NYAP1: variants seen among roughly 807,000 people sequenced by gnomAD.
NYAP1 encodes neuronal tyrosine-phosphorylated phosphoinositide-3-kinase adapter 1.
NYAP1 carries 20 observed loss-of-function variants against 58.6 expected under a neutral mutation model. That is an observed-to-expected ratio of 0.34 (90% confidence interval 0.24 to 0.50). NYAP1 has a LOEUF of 0.50. Ranked by LOEUF, NYAP1 falls within the 20% of genes least tolerant of loss-of-function variation. The pLI is 0.98. For synonymous variants in NYAP1, 572 were observed against 523.1 expected (o/e 1.09, Z -1.27); for missense variants, 1,150 against 1,194.5 (o/e 0.96, Z 0.55).
In NYAP1 at chr7:100,486,869, C is replaced by T; in HGVS notation, c.117C>T (p.Gly39=). The T allele has an allele frequency of 2.6e-6, 4 of 1,545,118 alleles. No individual in the cohort carries two copies. Among genetic ancestry groups the T allele is most frequent in the Non-Finnish European group, 3.5e-6 (4 of 1,150,358 alleles). ...APAGSAGPAA[G]QGPGVRVRDI... ...CTGGCTCGGCTGGGCCCGCGGCCGGCCAGGGGCCTGGGGTCCGCGTGCGGG... is the reference window on the plus strand; with the variant it reads ...CTGGCTCGGCTGGGCCCGCGGCCGGTCAGGGGCCTGGGGTCCGCGTGCGGG... Residue 39 remains glycine, a synonymous_variant, in exon 3 of 7, where the codon GGC becomes GGT. Transcript: ENST00000300179. The surrounding 1 kb of genome is among the most constrained non-coding windows in gnomAD (Gnocchi z 6.2).
rs1412064724 is a variant in NYAP1 at position 100,493,921 on chromosome 7, C to A, written c.*18C>A. 1.4e-6 allele frequency: 2 copies of A among 1,425,282 alleles called. No homozygotes were observed. The highest frequency in any genetic ancestry group is 1.5e-5 in the South Asian group (1 of 67,028). The allele number at this position is 1,425,282 out of a possible 1,614,324, so 88.3% of individuals were successfully genotyped here. A position where few individuals can be genotyped will look rare whatever the true frequency, so the allele number is the denominator to read the frequency against. Reference sequence around the variant, plus strand: ...CCATCTGAGGCGGGCGGGGGGGTACCGGGGCGCCTGGACTGGGGAGGGGGC... The same window carrying A: ...CCATCTGAGGCGGGCGGGGGGGTACAGGGGCGCCTGGACTGGGGAGGGGGC... On this transcript the variant is annotated 3_prime_UTR_variant, in exon 7 of 7. Transcript: ENST00000300179.
Position 100,494,132 on chromosome 7 carries a change from T to C in NYAP1, c.*229T>C. 2.1e-6 allele frequency: 1 copy of C among 483,514 alleles called. No homozygotes were observed. Among genetic ancestry groups the C allele is most frequent in the Non-Finnish European group, 3.6e-6 (1 of 278,656 alleles). 30.0% of individuals were successfully genotyped at this position (483,514 alleles called of 1,614,324 possible). On this transcript the variant is annotated 3_prime_UTR_variant, in exon 7 of 7. Transcript: ENST00000300179. ...GAGGAGGAGGAGGGTTTGCTTGAGG[T>C]TGGGGCGAGAGTCGCTCTGGCTGTT...
chr7:100,489,743 G>A (rs1289041552), intron 4 of NYAP1, 77 bp downstream of exon 4: 3 of 1,140,672 alleles, frequency 2.6e-6, no homozygotes, highest in East Asian at 3.1e-5. Context: ...GTTTGGGGGA[G>A]GTGTTGGAGG....
chr7:100,494,174 G>A lies in NYAP1; in HGVS notation c.*271G>A, dbSNP rs986450160. The A allele has an allele frequency of 9.6e-6, 4 of 415,602 alleles. No individual in the cohort carries two copies. The highest frequency in any genetic ancestry group is 4.2e-5 in the African/African-American group (2 of 47,806). 25.7% of individuals were successfully genotyped at this position (415,602 alleles called of 1,614,324 possible). On this transcript the variant is annotated 3_prime_UTR_variant, in exon 7 of 7. Coordinates refer to ENST00000300179, the MANE Select transcript of NYAP1 (RefSeq NM_173564.4). The stretch of plus-strand genomic sequence containing the variant: ...CTGGCTGTTCTTCCCGCTGGGCGTT[G>A]TACACCCCTCCTCCTGAACCAAGCC...
intron 6 of NYAP1, among the ~76,000 whole-genome samples, 186 bp downstream of exon 6, chr7:100,491,281 AC>A (rs772279413): frequency 1.3e-5 from 2 of 152,028 alleles, no homozygotes; most frequent in Non-Finnish European, 2.9e-5. Flanking sequence ...ACATAGTGAG[AC>A]CCTGTCTCTA....
At chr7:100,493,523 T>TG (rs1425209414) in intron 6 of NYAP1, 123 bp from the exon 7 acceptor site, 12 of 905,816 alleles carry the variant, frequency 1.3e-5, no homozygotes, top group Non-Finnish European at 1.8e-5. Flanking sequence ...CAGAGGCCGT[T>TG]GGGGGGCAAG....
chr7:100,488,717 G>T lies in NYAP1; in HGVS notation c.996G>T (p.Gln332His), dbSNP rs1799742241. The T allele has an allele frequency of 1.2e-6, 2 of 1,609,078 alleles. No homozygotes were observed. Among genetic ancestry groups the T allele is most frequent in the Non-Finnish European group, 8.5e-7 (1 of 1,178,548 alleles). ...EIPPPFPNLL[Q>H]HRPPLLAFPQ... ...CCCCGCCCTTCCCCAACCTCCTTCAGCACCGGCCTCCACTCCTGGCCTTCC... is the reference window on the plus strand; with the variant it reads ...CCCCGCCCTTCCCCAACCTCCTTCATCACCGGCCTCCACTCCTGGCCTTCC... Residue 332 changes from glutamine to histidine, a missense_variant, in exon 4 of 7, where the codon CAG becomes CAT. By Grantham distance (24) the Gln-to-His change is conservative (BLOSUM62 0). Coordinates refer to ENST00000300179, the MANE Select transcript of NYAP1 (RefSeq NM_173564.4). This position sits in a 1 kb window ranked among gnomAD's most constrained non-coding sequence, Gnocchi z 5.9.
Position 100,488,744 on chromosome 7 carries a change from C to T in NYAP1, c.1023C>T (p.Pro341=), listed in dbSNP as rs1429650930. 1.2e-6 allele frequency: 2 copies of T among 1,606,060 alleles called. No individual in the cohort carries two copies. The highest frequency in any genetic ancestry group is 8.5e-7 in the Non-Finnish European group (1 of 1,176,466). The change falls in exon 4 of 7, where the codon CCC becomes CCT. Residue 341 remains proline (P), a synonymous_variant. Coordinates refer to ENST00000300179, the MANE Select transcript of NYAP1 (RefSeq NM_173564.4). This position sits in a 1 kb window ranked among gnomAD's most constrained non-coding sequence, Gnocchi z 5.9. The part of the protein sequence containing the change: ...LQHRPPLLAF[P]QAKSASRTPG... ...ACCGGCCTCCACTCCTGGCCTTCCC[C>T]CAAGCCAAGTCTGCTTCCCGAACCC... is the stretch of plus-strand genomic sequence containing the variant.
In NYAP1 at chr7:100,490,493, C is replaced by A; in HGVS notation, c.1946-24C>A. The A allele has an allele frequency of 6.4e-7, 1 of 1,560,018 alleles. No homozygotes were observed. Among genetic ancestry groups the A allele is most frequent in the Non-Finnish European group, 8.7e-7 (1 of 1,150,416 alleles). ...ATGACGCCTCCAACATGCAGGCACA[C>A]AGCTCTCCTTGTCATCCCAGCAGAG... On this transcript the variant is annotated intron_variant, in intron 4 of 6. Coordinates refer to ENST00000300179, the MANE Select transcript of NYAP1 (RefSeq NM_173564.4). The surrounding 1 kb of genome is among the most constrained non-coding windows in gnomAD (Gnocchi z 4.6).
At position 100,493,655 on chromosome 7, in the gene NYAP1, G is replaced by C. The variant is rs1278755698; in HGVS notation, c.2278G>C (p.Ala760Pro). The C allele has an allele frequency of 1.3e-6, 2 of 1,579,560 alleles. No homozygotes were observed. Among genetic ancestry groups the C allele is most frequent in the Non-Finnish European group, 1.7e-6 (2 of 1,169,034 alleles). ...PRDALSQPHP[A>P]LPLPLPLPPQ... The stretch of plus-strand genomic sequence containing the variant: ...CCCGCCCGCGGCACAGCCCCACCCC[G>C]CGCTGCCGCTGCCTCTGCCCCTGCC... Residue 760 changes from alanine to proline, a missense_variant, in exon 7 of 7, where the codon GCG becomes CCG. Ala to Pro is a conservative substitution (Grantham distance 27, BLOSUM62 -1). Transcript: ENST00000300179.
Position 100,488,436 on chromosome 7 carries a change from C to A in NYAP1, c.715C>A (p.Leu239Ile). The A allele has an allele frequency of 6.2e-7, 1 of 1,604,206 alleles. No individual in the cohort carries two copies. The highest frequency in any genetic ancestry group is 8.5e-7 in the Non-Finnish European group (1 of 1,175,936). ...RSGGGLAGPP[L>I]GGGGPTPPAG... is the part of the protein sequence containing the mutation. Reference sequence around the variant, plus strand: ...TGGAGGAGGCCTGGCTGGGCCCCCTCTTGGGGGTGGGGGCCCGACCCCTCC... The same window carrying A: ...TGGAGGAGGCCTGGCTGGGCCCCCTATTGGGGGTGGGGGCCCGACCCCTCC... Residue 239 changes from leucine (L) to isoleucine (I), a missense_variant, in exon 4 of 7, where the codon CTT (leucine) becomes ATT (isoleucine). Coordinates refer to ENST00000300179, the MANE Select transcript of NYAP1 (RefSeq NM_173564.4). This position sits in a 1 kb window ranked among gnomAD's most constrained non-coding sequence, Gnocchi z 5.9.
Position 100,489,073 on chromosome 7 carries a change from G to T in NYAP1, c.1352G>T (p.Gly451Val). The T allele has an allele frequency of 6.5e-7, 1 of 1,547,374 alleles. No individual in the cohort carries two copies. Residue 451 changes from glycine (G) to valine (V), a missense_variant, in exon 4 of 7, where the codon GGC becomes GTC. Physicochemically the swap from Gly to Val is moderately radical, Grantham distance 109. Transcript: ENST00000300179. ...CCTGCCCCGGCCGCCTTGCTCCCCG[G>T]CCCCCCCAAGGACAAGGCCGTGTCT... ...APPAPAALLP[G>V]PPKDKAVSYT... is the part of the protein sequence containing the mutation.
rs540720761 is a variant in NYAP1 at position 100,490,270 on chromosome 7, A to G, written c.1946-247A>G. 2.0e-4 allele frequency among the ~76,000 whole-genome samples: 30 copies of G among 152,136 alleles called. No homozygotes were observed. The highest frequency in any genetic ancestry group is 4.6e-4 in the Admixed American group (7 of 15,274). ...TGGGGAGGCCCCTCTGACCAGGGAA[A>G]AGGGTTTGGATGCAGCACATAGACA... On this transcript the variant is annotated intron_variant, in intron 4 of 6. Coordinates refer to ENST00000300179, the MANE Select transcript of NYAP1 (RefSeq NM_173564.4). This position sits in a 1 kb window ranked among gnomAD's most constrained non-coding sequence, Gnocchi z 4.6.
chr7:100,490,840 C>T lies in NYAP1; in HGVS notation c.2158+111C>T. 1 of 1,147,144 alleles carries T rather than the reference C, an allele frequency of 8.7e-7. No homozygotes were observed. The highest frequency in any genetic ancestry group is 1.2e-6 in the Non-Finnish European group (1 of 819,214). The allele number at this position is 1,147,144 out of a possible 1,614,324, so 71.1% of individuals were successfully genotyped here. Reference sequence around the variant, plus strand: ...CACCTGTTCACGTCTGTGCCCAGGGCCCTAAATCCTCATACCACATCTCCA... The same window carrying T: ...CACCTGTTCACGTCTGTGCCCAGGGTCCTAAATCCTCATACCACATCTCCA... On this transcript the variant is annotated intron_variant, in intron 5 of 6. Coordinates refer to ENST00000300179, the MANE Select transcript of NYAP1 (RefSeq NM_173564.4). This position sits in a 1 kb window ranked among gnomAD's most constrained non-coding sequence, Gnocchi z 4.6.
chr7:100,491,202 G>A, intron 6 of NYAP1, 107 bp downstream of exon 6: 2 of 733,502 alleles, frequency 2.7e-6, no homozygotes, highest in East Asian at 5.6e-5. Context: ...GCTCATGCCT[G>A]TAATCCCAGC....
chr7:100,489,891 C>G (rs1384729209), intron 4 of NYAP1, among the ~76,000 whole-genome samples: 3 of 151,978 alleles, frequency 2.0e-5, no homozygotes, highest in African/African-American at 7.3e-5. Context: ...CGAAGGGGGT[C>G]AAATCTGGCC....
chr7:100,493,383 AAAG>A (rs1799823101), intron 6 of NYAP1, among the ~76,000 whole-genome samples: 1 of 152,168 alleles, frequency 6.6e-6, no homozygotes, highest in Admixed American at 6.5e-5. Context: ...GAAAGAAAAA[AAAG>A]GGGAGATCCC....
rs1261722358 is a variant in NYAP1, at chr7:100,494,512, A to G, written c.*609A>G. 1 of 152,218 alleles carries G rather than the reference A, an allele frequency of 6.6e-6. No homozygotes were observed. The highest frequency in any genetic ancestry group is 2.4e-5 in the African/African-American group (1 of 41,224). 9.4% of individuals were successfully genotyped at this position (152,218 alleles called of 1,614,324 possible). ...TGCATGGGGAGTGGACCGAGAGAAG[A>G]AGGGGCCCAGGGAAGCAGAGGGCCC... On this transcript the variant is annotated 3_prime_UTR_variant, in exon 7 of 7. Coordinates refer to ENST00000300179, the MANE Select transcript of NYAP1 (RefSeq NM_173564.4).
rs1342560307 is a variant in NYAP1 at position 100,487,525 on chromosome 7, A to G, written c.430+343A>G. Among the ~76,000 whole-genome samples, 1 of 151,866 alleles carries G rather than the reference A, an allele frequency of 6.6e-6. No individual in the cohort carries two copies. The highest frequency in any genetic ancestry group is 1.5e-5 in the Non-Finnish European group (1 of 67,956). ...CTCAGCACTTTTTTTTTTTTGAGAC[A>G]GAGTCTCGCTCTGTTGCCCAGGCAG... On this transcript the variant is annotated intron_variant, in intron 3 of 6. Coordinates refer to ENST00000300179, the MANE Select transcript of NYAP1 (RefSeq NM_173564.4). This position sits in a 1 kb window ranked among gnomAD's most constrained non-coding sequence, Gnocchi z 4.1.
Sources: allele counts gnomAD v4.1 joint callset (sites outside exome capture counted in the v4.1 genomes callset), GRCh38; gene constraint gnomAD v4.1.1; non-coding constraint Gnocchi (gnomAD v3.1); transcripts MANE v1.5; gene names NCBI Gene and HGNC (gene_info 2026-07-23, HGNC 2026-07-21).